The following PCDHA9 variants were observed in gnomAD, a reference collection of about 807,000 sequenced individuals.
The protein encoded by PCDHA9 is protocadherin alpha 9.
In PCDHA9, 62 loss-of-function variants were observed where a neutral mutation model predicts 62.0. The ratio of observed to expected loss-of-function variants is 1.00; its 90% CI spans 0.81 to 1.23. The LOEUF (loss-of-function observed/expected upper bound fraction) is 1.23, where lower values mean the gene tolerates loss of function less well. Among genes scored for constraint, PCDHA9 ranks in the 50% most tolerant of loss-of-function variants. The pLI is 0.00. For synonymous variants in PCDHA9, 557 were observed against 567.6 expected (o/e 0.98, Z 0.27); for missense variants, 1,205 against 1,249.8 (o/e 0.96, Z 0.54).
At chr5:141,000,361 GTCTC>G (rs148596731) in intron 3 of PCDHA9, among the ~76,000 whole-genome samples, 1,917 of 26,274 alleles carry the variant, frequency 0.073, 118 homozygotes, top group African/African-American at 0.11. Flanking sequence ...GTCTCTCTCT[GTCTC>G]TCTCTCTCTC....
At chr5:141,005,422 A>G (rs1383654342) in intron 3 of PCDHA9, among the ~76,000 whole-genome samples, 3 of 152,132 alleles carry the variant, frequency 2.0e-5, no homozygotes, top group African/African-American at 7.2e-5. Flanking sequence ...AGTCATGCTA[A>G]GAATGGATGA....
chr5:140,906,744 A>G (rs2072897297), intron 1 of PCDHA9, among the ~76,000 whole-genome samples: 1 of 152,210 alleles, frequency 6.6e-6, no homozygotes, highest in Admixed American at 6.5e-5. Context: ...CCATTGACAC[A>G]GGGCATGGTA....
intron 1 of PCDHA9, chr5:140,927,928 T>C: frequency 6.2e-7 from 1 of 1,614,214 alleles, no homozygotes; most frequent in Non-Finnish European, 8.5e-7. Context: ...CCTGACTCTT[T>C]CGAACCCAGT....
At chr5:140,862,623 G>T in intron 1 of PCDHA9, 1 of 531,204 alleles carries the variant, frequency 1.9e-6, no homozygotes, top group Non-Finnish European at 3.8e-6. Context: ...ACAACCCGCG[G>T]GGCTGCCACG....
intron 1 of PCDHA9, chr5:140,863,183 C>A: frequency 1.3e-6 from 1 of 766,218 alleles, no homozygotes; most frequent in Non-Finnish European, 2.2e-6. Context: ...GCCACCGTCA[C>A]CGTGGTGGCG....
intron 1 of PCDHA9, among the ~76,000 whole-genome samples, chr5:140,970,589 C>T (rs74994687): frequency 6.6e-6 from 1 of 152,198 alleles, no homozygotes; most frequent in East Asian, 1.9e-4. Flanking sequence ...CAGAGATATG[C>T]TTTGTGATAC....
intron 1 of PCDHA9, among the ~76,000 whole-genome samples, chr5:140,934,420 C>T (rs559621314): frequency 1.1e-4 from 16 of 152,184 alleles, no homozygotes; most frequent in Non-Finnish European, 1.8e-4. Flanking sequence ...TTTGCATTAT[C>T]AATGCAAGTG....
intron 1 of PCDHA9, among the ~76,000 whole-genome samples, chr5:140,855,047 T>C (rs1426970366): frequency 1.3e-5 from 2 of 149,978 alleles, no homozygotes; most frequent in African/African-American, 2.4e-5. Flanking sequence ...TCTGTAATAG[T>C]ACTTTTCTGT....
At chr5:140,913,144 A>T (rs1473490766) in intron 1 of PCDHA9, among the ~76,000 whole-genome samples, 4 of 152,180 alleles carry the variant, frequency 2.6e-5, no homozygotes, top group Non-Finnish European at 5.9e-5. Context: ...TTTTTGGAAT[A>T]GTTTGAGTAG....
chr5:140,849,614 T>C lies in PCDHA9; in HGVS notation c.1119T>C (p.Ser373=), dbSNP rs2040994208. The C allele has an allele frequency of 6.3e-7, 1 of 1,598,700 alleles. No individual in the cohort carries two copies. The highest frequency in any genetic ancestry group is 2.2e-5 in the East Asian group (1 of 44,850). The change falls in exon 1 of 4, where the codon AGT becomes AGC. Residue 373 remains serine, a synonymous_variant. Transcript: ENST00000532602. ...TGGGGACAGTTATTGCCCTGATTAGTGTGATCGACCTAGACGCAGATGCCA... is the reference window on the plus strand; with the variant it reads ...TGGGGACAGTTATTGCCCTGATTAGCGTGATCGACCTAGACGCAGATGCCA... ...AQLGTVIALI[S]VIDLDADANG...
chr5:140,911,666 C>G (rs2075593137), intron 1 of PCDHA9, among the ~76,000 whole-genome samples: 1 of 152,168 alleles, frequency 6.6e-6, no homozygotes, highest in East Asian at 1.9e-4. Flanking sequence ...AACTCCTTGC[C>G]TCTCACGAAC....
In PCDHA9 at chr5:140,848,763, A is replaced by G; in HGVS notation, c.268A>G (p.Ile90Val). The change falls in exon 1 of 4, where the codon ATC becomes GTC. Residue 90 changes from isoleucine to valine, a missense_variant. Transcript: ENST00000532602. ...TGGCATTTTGTTTGTGAATTCTCGG[A>G]TCGACCGCGAGGAGCTGTGCGGGCG... ...QNGILFVNSR[I>V]DREELCGRSA... is the part of the protein sequence containing the mutation. The G allele has an allele frequency of 1.9e-6, 3 of 1,593,392 alleles. No individual in the cohort carries two copies. The highest frequency in any genetic ancestry group is 2.6e-6 in the Non-Finnish European group (3 of 1,164,078).
chr5:140,873,875 G>T (rs977504739), intron 1 of PCDHA9, among the ~76,000 whole-genome samples: 2 of 152,104 alleles, frequency 1.3e-5, no homozygotes, highest in African/African-American at 4.8e-5. Context: ...TGGCCAGGCT[G>T]GTCTTGAACT....
rs1215041869 is a variant in PCDHA9, at chr5:141,010,411, G to T, written c.*474G>T. ...TGAGACGAGCCAGCTTAGACTAATT[G>T]GTACAAGGAAGGCAAGAAAACAAAG... On this transcript the variant is annotated 3_prime_UTR_variant, in exon 4 of 4. Transcript: ENST00000532602. 4.1e-6 allele frequency: 5 copies of T among 1,224,236 alleles called. No individual in the cohort carries two copies. The highest frequency in any genetic ancestry group is 4.4e-6 in the Non-Finnish European group (4 of 905,798). The allele number at this position is 1,224,236 out of a possible 1,614,324, so 75.8% of individuals were successfully genotyped here. A position where few individuals can be genotyped will look rare whatever the true frequency, so the allele number is the denominator to read the frequency against.
chr5:140,850,268 G>T lies in PCDHA9; in HGVS notation c.1773G>T (p.Val591=). The T allele has an allele frequency of 6.3e-7, 1 of 1,594,774 alleles. No individual in the cohort carries two copies. The highest frequency in any genetic ancestry group is 8.6e-7 in the Non-Finnish European group (1 of 1,167,388). ...VLRSVGAGVV[V]GKVRAVDADS... ...GGTCGGTGGGCGCCGGCGTAGTGGTGGGGAAGGTGCGCGCAGTGGACGCCG... is the reference window on the plus strand; with the variant it reads ...GGTCGGTGGGCGCCGGCGTAGTGGTTGGGAAGGTGCGCGCAGTGGACGCCG... The change falls in exon 1 of 4, where the codon GTG becomes GTT. Residue 591 remains valine (V), a synonymous_variant. Transcript: ENST00000532602.
At position 140,848,428 on chromosome 5, in the gene PCDHA9, C is replaced by T; in HGVS notation, c.-68C>T. ...GGCGAACACAGCAGAATGGGACTGACGAAATCAGATGATTTCTTCTAATTT... is the reference window on the plus strand; with the variant it reads ...GGCGAACACAGCAGAATGGGACTGATGAAATCAGATGATTTCTTCTAATTT... On this transcript the variant is annotated 5_prime_UTR_variant, in exon 1 of 4. In the 5' UTR this introduces an upstream ATG that the reference lacks. Transcript: ENST00000532602. The T allele has an allele frequency of 6.9e-7, 1 of 1,450,060 alleles. No individual in the cohort carries two copies. Among genetic ancestry groups the T allele is most frequent in the Non-Finnish European group, 9.4e-7 (1 of 1,058,792 alleles). 89.8% of individuals were successfully genotyped at this position (1,450,060 alleles called of 1,614,324 possible).
intron 1 of PCDHA9, among the ~76,000 whole-genome samples, chr5:140,898,096 G>T (rs2066523889): frequency 6.6e-6 from 1 of 152,034 alleles, no homozygotes; most frequent in South Asian, 2.1e-4. Context: ...TTAGCCCTTT[G>T]TCAGATGAGT....
In PCDHA9 at chr5:140,849,671, C is replaced by T. The variant is rs2150444365; in HGVS notation, c.1176C>T (p.His392=). Reference sequence around the variant, plus strand: ...AGGTTACCTGCTCCCTGACGCCCCACGTCCCCTTCAAGCTGGTGTCCACCT... The same window carrying T: ...AGGTTACCTGCTCCCTGACGCCCCATGTCCCCTTCAAGCTGGTGTCCACCT... ...NGQVTCSLTP[H]VPFKLVSTYK... Residue 392 remains histidine (H), a synonymous_variant, in exon 1 of 4, where the codon CAC becomes CAT. Transcript: ENST00000532602. The T allele has an allele frequency of 3.8e-6, 6 of 1,598,630 alleles. No individual in the cohort carries two copies. Among genetic ancestry groups the T allele is most frequent in the Middle Eastern group, 1.7e-4 (1 of 5,942 alleles).
At chr5:140,880,095 A>G (rs2058235665) in intron 1 of PCDHA9, among the ~76,000 whole-genome samples, 1 of 152,246 alleles carries the variant, frequency 6.6e-6, no homozygotes, top group South Asian at 2.1e-4. Flanking sequence ...AGTAGGCTTA[A>G]AATCATAGAA....
Sources: gnomAD v4.1 joint callset for allele counts (sites outside exome capture counted in the v4.1 genomes callset) on GRCh38, gnomAD v4.1.1 for gene constraint, MANE v1.5 for transcripts, NCBI Gene and HGNC (gene_info 2026-07-23, HGNC 2026-07-21) for gene names.